AKAP6: variants seen among roughly 807,000 people sequenced by gnomAD.
AKAP6 encodes the protein A-kinase anchoring protein 6.
In AKAP6, 58 loss-of-function variants were observed where a neutral mutation model predicts 188.5. That is an observed-to-expected ratio of 0.31 (90% CI 0.25 to 0.38). The LOEUF is 0.38. AKAP6 is among the 10% of genes least tolerant of loss of function. The pLI, the probability that AKAP6 is intolerant of heterozygous loss-of-function variation, is 1.00. For missense variants in AKAP6, 2,710 were observed against 2,740.0 expected, an observed-to-expected ratio of 0.99 and a Z score of 0.24; for synonymous variants, 989 against 998.6, an observed-to-expected ratio of 0.99 and a Z score of 0.18.
intron 7 of AKAP6, among the ~76,000 whole-genome samples, chr14:32,637,181 G>A (rs923362071): frequency 1.3e-5 from 2 of 152,220 alleles, no homozygotes; most frequent in East Asian, 1.9e-4. Flanking sequence ...GGCCTAGTAC[G>A]TAGAATACAT....
chr14:32,360,116 T>A (rs1031440929), intron 1 of AKAP6, among the ~76,000 whole-genome samples: 12 of 143,252 alleles, frequency 8.4e-5, no homozygotes, highest in Non-Finnish European at 1.4e-4. Context: ...TATGCAGTTA[T>A]CCTCTTTTTC....
At chr14:32,788,545 C>T (rs542654465) in intron 12 of AKAP6, among the ~76,000 whole-genome samples, 20 of 152,292 alleles carry the variant, frequency 1.3e-4, no homozygotes, top group African/African-American at 4.8e-4. Context: ...AACAGCCCAC[C>T]TGGGAGTGGC....
chr14:32,697,281 C>T (rs1346721090), intron 9 of AKAP6, among the ~76,000 whole-genome samples: 1 of 152,102 alleles, frequency 6.6e-6, no homozygotes, highest in Non-Finnish European at 1.5e-5. Flanking sequence ...ATAAGCTCCC[C>T]AGGGACCCAG....
At chr14:32,510,814 C>T (rs557360851) in intron 2 of AKAP6, among the ~76,000 whole-genome samples, 25 of 152,218 alleles carry the variant, frequency 1.6e-4, no homozygotes, top group Middle Eastern at 3.4e-3. Flanking sequence ...TTTAGTTTTT[C>T]GTGTTAGCTC....
chr14:32,506,221 T>C (rs992586037), intron 2 of AKAP6, among the ~76,000 whole-genome samples: 4 of 152,028 alleles, frequency 2.6e-5, no homozygotes, highest in African/African-American at 9.7e-5. Flanking sequence ...TGCCATAAAG[T>C]TGTTATTTAT....
At chr14:32,765,689 A>T (rs879345598) in intron 11 of AKAP6, among the ~76,000 whole-genome samples, 1 of 146,134 alleles carries the variant, frequency 6.8e-6, no homozygotes, top group East Asian at 2.0e-4. Context: ...CTATCCGAGG[A>T]CATTTTATAG....
rs1883725940 is a variant in AKAP6, at chr14:32,557,202, TC to T, written c.2346+10204del. 7.9e-5 allele frequency among the ~76,000 whole-genome samples: 12 copies of T among 152,294 alleles called. No individual in the cohort carries two copies. The South Asian group carries it at 2.5e-3, about 32-fold the overall frequency. The stretch of plus-strand genomic sequence containing the variant: ...CTGGAGCTTAGTTGATCTTCCCACC[TC>T]AGCCTACCCAGTAGCTGGGACTACA... On this transcript the variant is annotated intron_variant, in intron 4 of 13. Transcript: ENST00000280979.
At chr14:32,722,179 C>G (rs1414043494) in intron 9 of AKAP6, among the ~76,000 whole-genome samples, 1 of 152,190 alleles carries the variant, frequency 6.6e-6, no homozygotes, top group Non-Finnish European at 1.5e-5. Context: ...CATTCAACAG[C>G]TTGACCCTTG....
At chr14:32,643,282 CTTCTTCATT>C (rs1011105877) in intron 7 of AKAP6, among the ~76,000 whole-genome samples, 10 of 151,838 alleles carry the variant, frequency 6.6e-5, no homozygotes, top group African/African-American at 2.4e-4. Flanking sequence ...TTTGCCTCTC[CTTCTTCATT>C]TTCTTCATAC....
chr14:32,757,322 T>C (rs2032374713), intron 11 of AKAP6, among the ~76,000 whole-genome samples: 1 of 152,152 alleles, frequency 6.6e-6, no homozygotes, highest in Non-Finnish European at 1.5e-5. Context: ...GCCATCTTGC[T>C]GACATCCTCC....
intron 5 of AKAP6, among the ~76,000 whole-genome samples, chr14:32,581,998 A>C (rs1227817934): frequency 2.6e-5 from 4 of 152,122 alleles, no homozygotes; most frequent in Admixed American, 2.6e-4. Flanking sequence ...ATTTACATTT[A>C]AAGTTAATAT....
chr14:32,481,142 A>G (rs898655167), intron 2 of AKAP6, among the ~76,000 whole-genome samples: 1 of 152,190 alleles, frequency 6.6e-6, no homozygotes, highest in Admixed American at 6.5e-5. Flanking sequence ...TTCTGCATCC[A>G]TATATAAAGA....
At chr14:32,745,701 G>T (rs969055117) in intron 11 of AKAP6, among the ~76,000 whole-genome samples, 1 of 152,138 alleles carries the variant, frequency 6.6e-6, no homozygotes, top group African/African-American at 2.4e-5. Flanking sequence ...AGGCCCTGGG[G>T]CTCTACAGGC....
At chr14:32,716,403 G>T (rs554331527) in intron 9 of AKAP6, among the ~76,000 whole-genome samples, 5 of 151,212 alleles carry the variant, frequency 3.3e-5, no homozygotes, top group African/African-American at 1.2e-4. Flanking sequence ...TATTAGGCTG[G>T]TGCAAAAGTA....
chr14:32,471,254 A>C (rs1486823880), intron 2 of AKAP6, among the ~76,000 whole-genome samples: 7 of 152,220 alleles, frequency 4.6e-5, no homozygotes, highest in Non-Finnish European at 8.8e-5. Context: ...TAATCATAAA[A>C]TGTACTGCCA....
intron 10 of AKAP6, chr14:32,734,708 A>G (rs1404217143): frequency 6.6e-6 from 1 of 152,132 alleles, no homozygotes; most frequent in Non-Finnish European, 1.5e-5. Context: ...TCTTCAAATT[A>G]TCAGTATTTT....
intron 5 of AKAP6, among the ~76,000 whole-genome samples, chr14:32,590,950 G>A (rs541200743): frequency 1.2e-3 from 190 of 152,276 alleles, no homozygotes; most frequent in Non-Finnish European, 8.2e-4. Context: ...TGTGGGAGTT[G>A]GAATAGATCT....
chr14:32,480,886 A>G (rs898814488), intron 2 of AKAP6, among the ~76,000 whole-genome samples: 2 of 152,176 alleles, frequency 1.3e-5, no homozygotes, highest in African/African-American at 4.8e-5. Flanking sequence ...ACAGATTAAT[A>G]TATGGTAAAG....
intron 12 of AKAP6, among the ~76,000 whole-genome samples, chr14:32,784,921 T>C (rs2033357163): frequency 6.6e-6 from 1 of 151,958 alleles, no homozygotes; most frequent in Non-Finnish European, 1.5e-5. Context: ...TATATTGTTA[T>C]TCTTTTTATT....
Sources: allele counts gnomAD v4.1 joint callset (sites outside exome capture counted in the v4.1 genomes callset), GRCh38; gene constraint gnomAD v4.1.1; transcripts MANE v1.5; gene names NCBI Gene and HGNC (gene_info 2026-07-23, HGNC 2026-07-21).